LRP1B: variants seen among roughly 807,000 people sequenced by gnomAD.
LRP1B encodes the protein low-density lipoprotein receptor-related protein 1B.
A neutral mutation model predicts 556.6 loss-of-function variants in LRP1B; 217 were observed. The observed-to-expected ratio is 0.39, with a 90% CI of 0.35 to 0.44. The LOEUF (loss-of-function observed/expected upper bound fraction) is 0.44. Ranked by LOEUF, LRP1B falls within the 20% of genes least tolerant of loss-of-function variation. The probability of loss-of-function intolerance (pLI) is 1.00; values close to 1 mark genes in which losing one functional copy is unlikely to be tolerated. For missense variants in LRP1B, 5,053 were observed against 5,620.8 expected, an observed-to-expected ratio of 0.90 and a Z score of 3.23; for synonymous variants, 2,047 against 1,865.8, an observed-to-expected ratio of 1.10 and a Z score of -2.50.
At chr2:141,460,299 C>T (rs1410715657) in intron 3 of LRP1B, among the ~76,000 whole-genome samples, 11 of 152,118 alleles carry the variant, frequency 7.2e-5, no homozygotes, top group Non-Finnish European at 1.6e-4. Context: ...TTCATAACAA[C>T]ACTCTTTGTT....
intron 1 of LRP1B, among the ~76,000 whole-genome samples, chr2:142,035,905 C>T (rs186043644): frequency 2.6e-5 from 4 of 151,790 alleles, no homozygotes; most frequent in Admixed American, 1.3e-4. Context: ...ATGCTATTCT[C>T]GTGATAGTGA....
intron 7 of LRP1B, among the ~76,000 whole-genome samples, chr2:141,187,681 A>G (rs1681318204): frequency 6.6e-6 from 1 of 152,026 alleles, no homozygotes; most frequent in Admixed American, 6.6e-5. Context: ...TAATTCCTGT[A>G]TTGATTTTCT....
intron 7 of LRP1B, among the ~76,000 whole-genome samples, chr2:141,120,457 A>G (rs1020323542): frequency 1.3e-5 from 2 of 151,956 alleles, no homozygotes; most frequent in Non-Finnish European, 2.9e-5. Flanking sequence ...ACAATATTTG[A>G]CTATTTTAAC....
chr2:141,368,014 A>G (rs1374443668), intron 3 of LRP1B, among the ~76,000 whole-genome samples: 1 of 152,178 alleles, frequency 6.6e-6, no homozygotes, highest in African/African-American at 2.4e-5. Flanking sequence ...ATACCTCACC[A>G]TGCCATTAAA....
chr2:141,984,831 C>T (rs1177637895), intron 1 of LRP1B, among the ~76,000 whole-genome samples: 14 of 152,014 alleles, frequency 9.2e-5, no homozygotes, highest in Admixed American at 7.2e-4. Context: ...GGAATGTAGC[C>T]ATAAAATCCT....
chr2:141,054,646 GA>G (rs1260562086), intron 10 of LRP1B, among the ~76,000 whole-genome samples: 1 of 152,024 alleles, frequency 6.6e-6, no homozygotes, highest in East Asian at 1.9e-4. Flanking sequence ...TCAGCTATCT[GA>G]AAAATTGAAT....
intron 3 of LRP1B, among the ~76,000 whole-genome samples, chr2:141,352,743 G>A (rs1688489830): frequency 6.6e-6 from 1 of 151,822 alleles, no homozygotes; most frequent in South Asian, 2.1e-4. Flanking sequence ...TATTTAAAGT[G>A]GAAGTATTAC....
chr2:141,397,860 C>A (rs1690300106), intron 3 of LRP1B, among the ~76,000 whole-genome samples: 1 of 150,662 alleles, frequency 6.6e-6, no homozygotes, highest in South Asian at 2.1e-4. Flanking sequence ...TATATATATA[C>A]ATTTATATAT....
At chr2:140,329,889 AAAAC>A (rs1367088229) in intron 79 of LRP1B, among the ~76,000 whole-genome samples, 1 of 148,020 alleles carries the variant, frequency 6.8e-6, no homozygotes, top group East Asian at 2.0e-4. Flanking sequence ...ATTAGAAAAA[AAAAC>A]AAAAACAAAA....
intron 2 of LRP1B, among the ~76,000 whole-genome samples, chr2:141,729,636 T>G (rs1693192713): frequency 6.6e-6 from 1 of 152,200 alleles, no homozygotes; most frequent in Non-Finnish European, 1.5e-5. Context: ...AAGGGCTTGG[T>G]GCAGGCTAGC....
chr2:141,882,754 C>G (rs1698993842), intron 1 of LRP1B, among the ~76,000 whole-genome samples: 1 of 152,164 alleles, frequency 6.6e-6, no homozygotes, highest in African/African-American at 2.4e-5. Flanking sequence ...GTCACCCAAA[C>G]TGGAGTGCAG....
intron 18 of LRP1B, among the ~76,000 whole-genome samples, chr2:140,965,545 AATTG>A (rs5834792): frequency 0.6 from 88,983 of 147,690 alleles, 26,965 homozygotes; most frequent in Admixed American, 0.68. Context: ...CTATTTTCTA[AATTG>A]ATTTTCTTTT....
intron 11 of LRP1B, among the ~76,000 whole-genome samples, chr2:141,031,622 T>C (rs1698374214): frequency 6.6e-6 from 1 of 151,974 alleles, no homozygotes; most frequent in Non-Finnish European, 1.5e-5. Context: ...GCTGGTTAAG[T>C]AATGACTGTT....
intron 3 of LRP1B, among the ~76,000 whole-genome samples, chr2:141,345,031 G>A (rs1016742895): frequency 5.3e-5 from 8 of 152,144 alleles, no homozygotes; most frequent in Non-Finnish European, 8.8e-5. Flanking sequence ...GTAATCACAA[G>A]GGTCCTTACA....
chr2:141,809,674 T>TACTA (rs1696273575), intron 2 of LRP1B, among the ~76,000 whole-genome samples: 1 of 152,062 alleles, frequency 6.6e-6, no homozygotes, highest in Non-Finnish European at 1.5e-5. Flanking sequence ...GATTCATGTA[T>TACTA]ACTAAGGGTT....
rs1026937551 is a variant in LRP1B, at chr2:140,867,919, A to G, written c.4335-85T>C. On this transcript the variant is annotated intron_variant, in intron 26 of 90. Coordinates refer to ENST00000389484, the MANE Select transcript of LRP1B (RefSeq NM_018557.3). ...TAATCATGTAACTCAGCTAAATGAC[A>G]AAAAAGGTATTTTATAAATATTTTT... is the stretch of plus-strand genomic sequence containing the variant. The G allele has an allele frequency of 2.9e-6, 4 of 1,389,324 alleles. No individual in the cohort carries two copies. The African/African-American group carries it at 5.8e-5, about 20-fold the overall frequency. 86.1% of individuals were successfully genotyped at this position (1,389,324 alleles called of 1,614,324 possible).
intron 31 of LRP1B, among the ~76,000 whole-genome samples, chr2:140,819,254 C>G (rs1042643263): frequency 6.6e-6 from 1 of 152,160 alleles, no homozygotes; most frequent in East Asian, 1.9e-4. Flanking sequence ...TTGCAACCAT[C>G]TCTCTGGTAA....
intron 2 of LRP1B, among the ~76,000 whole-genome samples, chr2:141,624,945 A>C (rs1375524356): frequency 6.6e-6 from 1 of 151,386 alleles, no homozygotes; most frequent in East Asian, 1.9e-4. Flanking sequence ...AATTTTTTGT[A>C]TTTTAGTAGA....
chr2:141,459,885 T>C (rs1037183301), intron 3 of LRP1B, among the ~76,000 whole-genome samples: 4 of 152,146 alleles, frequency 2.6e-5, no homozygotes, highest in African/African-American at 9.7e-5. Flanking sequence ...ATATGCAAAC[T>C]TTCACTTTTG....
Sources: allele counts gnomAD v4.1 joint callset (sites outside exome capture counted in the v4.1 genomes callset), GRCh38; gene constraint gnomAD v4.1.1; transcripts MANE v1.5; gene names NCBI Gene and HGNC (gene_info 2026-07-23, HGNC 2026-07-21).